The following PGBD2 variants were observed in gnomAD, a reference collection of about 807,000 sequenced individuals.
PGBD2 encodes the protein piggyBac transposable element derived 2.
In PGBD2, 6 loss-of-function variants were observed where a neutral mutation model predicts 8.1. The ratio of observed to expected loss-of-function variants is 0.74; its 90% CI spans 0.40 to 1.46. The LOEUF (loss-of-function observed/expected upper bound fraction) is 1.46, where lower values mean the gene tolerates loss of function less well. Among genes scored for constraint, PGBD2 ranks in the 40% most tolerant of loss-of-function variants. PGBD2 has a pLI of 0.02. For synonymous variants in PGBD2, 318 were observed against 272.2 expected, an observed-to-expected ratio of 1.17 and a Z score of -1.66; for missense variants, 802 against 739.0, an observed-to-expected ratio of 1.09 and a Z score of -0.99.
At chr1:248,927,467 C>T in the PGBD2 span, among the ~76,000 whole-genome samples, 1 of 152,194 alleles carries the variant, frequency 6.6e-6, no homozygotes, top group African/African-American at 2.4e-5. Flanking sequence ...AAACAAGAGT[C>T]AGCAAATATT....
upstream of PGBD2, among the ~76,000 whole-genome samples, chr1:248,902,851 G>T (rs918492669): frequency 6.6e-6 from 1 of 152,062 alleles, no homozygotes; most frequent in African/African-American, 2.4e-5. Flanking sequence ...AACACAGTGG[G>T]GCCTGTCAGG....
chr1:248,927,342 G>A, the PGBD2 span, among the ~76,000 whole-genome samples: 2 of 152,148 alleles, frequency 1.3e-5, no homozygotes, highest in Non-Finnish European at 1.5e-5. Flanking sequence ...AGGAGGAGGA[G>A]CAGAAATAAT....
the PGBD2 span, among the ~76,000 whole-genome samples, chr1:248,930,109 A>G: frequency 6.6e-6 from 1 of 152,230 alleles, no homozygotes; most frequent in African/African-American, 2.4e-5. Flanking sequence ...GTTACATTCT[A>G]CAGGTCTTGT....
At chr1:248,905,217 C>T (rs955802514), upstream of PGBD2, among the ~76,000 whole-genome samples, 2 of 152,118 alleles carry the variant, frequency 1.3e-5, no homozygotes, top group Admixed American at 6.5e-5. Flanking sequence ...GGTTTTGGAA[C>T]ACACTTTACA....
chr1:248,884,681 G>A, the PGBD2 span, among the ~76,000 whole-genome samples: 1 of 152,312 alleles, frequency 6.6e-6, no homozygotes, highest in Admixed American at 6.5e-5. Flanking sequence ...CATTGGTTTG[G>A]CCTGAAAAGG....
chr1:248,895,017 C>G, the PGBD2 span, among the ~76,000 whole-genome samples: 1 of 152,178 alleles, frequency 6.6e-6, no homozygotes, highest in Admixed American at 6.5e-5. Context: ...GTTGTCCAGG[C>G]TGGTCTCTAA....
rs765580798 is a variant in PGBD2 at position 248,917,521 on chromosome 1, C to T, written c.937C>T (p.Gln313Ter). ...RGYLVWFEPS[Q>*]GTLFTKPDRS... ...CTACTTGGTGTGGTTTGAGCCCTCACAGGGCACACTGTTTACCAAGCCAGA... is the reference window on the plus strand; with the variant it reads ...CTACTTGGTGTGGTTTGAGCCCTCATAGGGCACACTGTTTACCAAGCCAGA... Residue 313 changes from glutamine (Q) to a stop codon, truncating the protein, a stop_gained, in exon 3 of 3, where the codon CAG becomes TAG. Transcript: ENST00000329291. LOFTEE classifies it low-confidence loss of function (END_TRUNC). The T allele has an allele frequency of 8.1e-6, 13 of 1,614,014 alleles. No individual in the cohort carries two copies. Among genetic ancestry groups the T allele is most frequent in the Non-Finnish European group, 1.0e-5 (12 of 1,180,024 alleles).
chr1:248,900,600 T>A, the PGBD2 span, among the ~76,000 whole-genome samples: 1 of 151,994 alleles, frequency 6.6e-6, no homozygotes, highest in Non-Finnish European at 1.5e-5. Context: ...CTCAAAATAA[T>A]AAGAGCCATA....
At chr1:248,875,308 C>CAAAAAAAAAAAAAAAA in the PGBD2 span, among the ~76,000 whole-genome samples, 82 of 109,850 alleles carry the variant, frequency 7.5e-4, no homozygotes, top group African/African-American at 1.2e-3. Flanking sequence ...AAAAACAAAA[C>CAAAAAAAAAAAAAAAA]AAAAAAAAAA....
At position 248,917,109 on chromosome 1, in the gene PGBD2, G is replaced by A. The variant is rs1367182605; in HGVS notation, c.525G>A (p.Thr175=). Residue 175 remains threonine, a synonymous_variant, in exon 3 of 3, where the codon ACG becomes ACA. Coordinates refer to ENST00000329291, the MANE Select transcript of PGBD2 (RefSeq NM_170725.3). ...AWQKNVNLSL[T]AQELKCVLGI... ...AGAAAAATGTCAATTTGAGTCTTACGGCTCAGGAATTGAAGTGTGTTTTGG... is the reference window on the plus strand; with the variant it reads ...AGAAAAATGTCAATTTGAGTCTTACAGCTCAGGAATTGAAGTGTGTTTTGG... 17 of 1,613,848 alleles carry A rather than the reference G, an allele frequency of 1.1e-5. No individual in the cohort carries two copies. The highest frequency in any genetic ancestry group is 1.4e-5 in the Non-Finnish European group (16 of 1,180,022).
At chr1:248,888,151 C>T in the PGBD2 span, among the ~76,000 whole-genome samples, 14 of 152,178 alleles carry the variant, frequency 9.2e-5, no homozygotes, top group Non-Finnish European at 2.1e-4. Context: ...TTTCTTAATG[C>T]AATCCACCGT....
At chr1:248,916,505 G>A (rs947951343) in intron 2 of PGBD2, 97 bp from the exon 3 acceptor site, 26 of 989,620 alleles carry the variant, frequency 2.6e-5, no homozygotes, top group Non-Finnish European at 3.6e-5. Flanking sequence ...AGCCATTCAA[G>A]TGGAAGTGTT....
At chr1:248,928,624 T>G in the PGBD2 span, among the ~76,000 whole-genome samples, 1 of 152,162 alleles carries the variant, frequency 6.6e-6, no homozygotes, top group Non-Finnish European at 1.5e-5. Flanking sequence ...CTGTTCTCTT[T>G]CCACTGCATT....
At chr1:248,882,926 A>G in the PGBD2 span, among the ~76,000 whole-genome samples, 1 of 152,284 alleles carries the variant, frequency 6.6e-6, no homozygotes, top group Admixed American at 6.5e-5. Flanking sequence ...CTCCCTACAA[A>G]TGTTTATGTC....
At chr1:248,898,009 T>A in the PGBD2 span, among the ~76,000 whole-genome samples, 1 of 151,890 alleles carries the variant, frequency 6.6e-6, no homozygotes, top group African/African-American at 2.4e-5. Flanking sequence ...GACCCATTCC[T>A]CCTCACTGGG....
At chr1:248,897,110 G>C in the PGBD2 span, among the ~76,000 whole-genome samples, 1 of 152,072 alleles carries the variant, frequency 6.6e-6, no homozygotes, top group Non-Finnish European at 1.5e-5. Context: ...TCACAATTTA[G>C]CCTAAATATT....
At chr1:248,926,279 CATA>C in the PGBD2 span, among the ~76,000 whole-genome samples, 53 of 152,160 alleles carry the variant, frequency 3.5e-4, 1 homozygote, top group South Asian at 6.0e-3. Flanking sequence ...AAAGTTGTAA[CATA>C]ATAATGTAAA....
the PGBD2 span, among the ~76,000 whole-genome samples, chr1:248,874,365 T>C: frequency 6.6e-4 from 100 of 152,336 alleles, 2 homozygotes; most frequent in South Asian, 0.019. Context: ...CCATAGGTGA[T>C]GTTCCCAGAG....
At chr1:248,905,784 A>G (rs1017782113), upstream of PGBD2, among the ~76,000 whole-genome samples, 1 of 152,224 alleles carries the variant, frequency 6.6e-6, no homozygotes, top group Non-Finnish European at 1.5e-5. Flanking sequence ...CCTGCCATAC[A>G]GCAGTGGTTC....
Sources: allele counts gnomAD v4.1 joint callset (sites outside exome capture counted in the v4.1 genomes callset), GRCh38; gene constraint gnomAD v4.1.1; transcripts MANE v1.5; gene names NCBI Gene and HGNC (gene_info 2026-07-23, HGNC 2026-07-21).